The following SCN1A variants were observed in gnomAD, a reference collection of about 807,000 sequenced individuals.
SCN1A encodes the protein sodium voltage-gated channel alpha subunit 1.
In SCN1A, 13 loss-of-function variants were observed where a neutral mutation model predicts 193.7. That is an observed-to-expected ratio of 0.07 (90% CI 0.04 to 0.11). The LOEUF is 0.11. Ranked by LOEUF, SCN1A falls within the 10% of genes least tolerant of loss-of-function variation. The pLI is 1.00. For synonymous variants in SCN1A, 781 were observed against 843.6 expected (o/e 0.93, Z 1.29); for missense variants, 1,432 against 2,451.1 (o/e 0.58, Z 8.78).
chr2:166,046,159 A>G (rs536599250), intron 12 of SCN1A, among the ~76,000 whole-genome samples: 2 of 152,338 alleles, frequency 1.3e-5, no homozygotes, highest in East Asian at 3.8e-4. Flanking sequence ...CAGAAAGATG[A>G]GAGAGATAGG....
At chr2:166,050,790 T>A (rs144332749) in intron 9 of SCN1A, among the ~76,000 whole-genome samples, 79 of 150,846 alleles carry the variant, frequency 5.2e-4, no homozygotes, top group African/African-American at 1.9e-3. Flanking sequence ...ACATTTTCTA[T>A]TACTGTCTCC....
intron 23 of SCN1A, among the ~76,000 whole-genome samples, chr2:166,008,505 T>G (rs535156327): frequency 6.6e-6 from 1 of 151,166 alleles, no homozygotes; most frequent in Non-Finnish European, 1.5e-5. Flanking sequence ...TTAATTCTTA[T>G]ACACCCCAGA....
intron 3 of SCN1A, among the ~76,000 whole-genome samples, chr2:166,074,783 G>T (rs1408727198): frequency 6.6e-6 from 1 of 152,164 alleles, no homozygotes; most frequent in Non-Finnish European, 1.5e-5. Context: ...TAGCTTTGGT[G>T]TATATGAACT....
intron 19 of SCN1A, among the ~76,000 whole-genome samples, chr2:166,031,519 A>C (rs1408570527): frequency 1.3e-5 from 2 of 152,178 alleles, no homozygotes; most frequent in Non-Finnish European, 2.9e-5. Context: ...CATATCAAGA[A>C]TGTAATCAAA....
chr2:166,006,409 T>G (rs1361173668), intron 23 of SCN1A, among the ~76,000 whole-genome samples: 1 of 151,290 alleles, frequency 6.6e-6, no homozygotes, highest in Non-Finnish European at 1.5e-5. Flanking sequence ...AAATGTAGAG[T>G]TATGTTTATG....
chr2:166,045,894 T>C (rs570810772), intron 12 of SCN1A, among the ~76,000 whole-genome samples: 50 of 152,270 alleles, frequency 3.3e-4, no homozygotes, highest in African/African-American at 1.1e-3. Flanking sequence ...TAGTTTCTGC[T>C]GAGCAAGATA....
intron 2 of SCN1A, among the ~76,000 whole-genome samples, chr2:166,105,059 A>G (rs1423137617): frequency 6.6e-6 from 1 of 152,220 alleles, no homozygotes; most frequent in Non-Finnish European, 1.5e-5. Context: ...CTTACTCCTT[A>G]GGATTTTTGC....
chr2:165,985,264 TGAAGGAAG>T (rs1321783823), downstream of SCN1A: 1 of 145,848 alleles, frequency 6.9e-6, no homozygotes, highest in African/African-American at 2.6e-5. Context: ...AAGTATGGAT[TGAAGGAAG>T]GAAGGAAGGA....
chr2:166,137,224 T>C (rs763660697), intron 1 of SCN1A, among the ~76,000 whole-genome samples: 1 of 152,168 alleles, frequency 6.6e-6, no homozygotes, highest in Non-Finnish European at 1.5e-5. Flanking sequence ...AACATCTCTT[T>C]TTCTTTGTTT....
At chr2:166,072,837 C>CTTTTTTTTTTT (rs796420549) in intron 4 of SCN1A, among the ~76,000 whole-genome samples, 6 of 119,462 alleles carry the variant, frequency 5.0e-5, no homozygotes, top group African/African-American at 6.2e-5. Context: ...TCTCTTCTTT[C>CTTTTTTTTTTT]TTTTTTTTTT....
chr2:166,009,851 CA>C lies in SCN1A; in HGVS notation c.3880-11del, dbSNP rs1692189859. 4 of 1,604,160 alleles carry C rather than the reference CA, an allele frequency of 2.5e-6. No homozygotes were observed. The East Asian group carries it at 9.0e-5, about 36-fold the overall frequency. The stretch of plus-strand genomic sequence containing the variant: ...AACTGACCAATGAAACCTGCACACA[CA>C]AAAATAATAACAATTAATAAACAGA... On this transcript the variant is annotated splice_polypyrimidine_tract_variant and intron_variant, in intron 22 of 28. Transcript: ENST00000674923.
rs1171789119 is a variant in SCN1A, at chr2:165,999,735, A to G, written c.4326T>C (p.Val1442=). 6.2e-7 allele frequency: 1 copy of G among 1,606,438 alleles called. No homozygotes were observed. Among genetic ancestry groups the G allele is most frequent in the Admixed American group, 1.7e-5 (1 of 59,774 alleles). The change falls in exon 25 of 29, where the codon GTT becomes GTC. Residue 1442 remains valine, a synonymous_variant. Transcript: ENST00000674923. ...KGWMDIMYAA[V]DSRNVELQPK... ...AAGGAATACTTACATTTCTGGAATC[A>G]ACTGCTGCATACATTATATCCATCC... is the stretch of plus-strand genomic sequence containing the variant.
chr2:166,081,051 G>A (rs16851485), intron 2 of SCN1A, among the ~76,000 whole-genome samples: 3,825 of 151,808 alleles, frequency 0.025, 226 homozygotes, highest in Admixed American at 0.14. Flanking sequence ...TCTGTTTCCC[G>A]TAGAAGAGGA....
At chr2:166,009,913 C>T (rs534314134) in intron 22 of SCN1A, 72 bp from the exon 23 acceptor site, 16 of 1,418,234 alleles carry the variant, frequency 1.1e-5, no homozygotes, top group Non-Finnish European at 4.9e-6. Flanking sequence ...TATAATACAA[C>T]AAGTATAATT....
At chr2:166,086,390 C>T (rs374429462) in intron 2 of SCN1A, among the ~76,000 whole-genome samples, 2 of 152,024 alleles carry the variant, frequency 1.3e-5, no homozygotes, top group East Asian at 1.9e-4. Context: ...GTCAGAGGGC[C>T]GAAAACTCTA....
At chr2:166,013,455 A>T (rs1692817770) in intron 21 of SCN1A, among the ~76,000 whole-genome samples, 1 of 151,584 alleles carries the variant, frequency 6.6e-6, no homozygotes, top group African/African-American at 2.4e-5. Flanking sequence ...ACAATGAGTA[A>T]TTGAATATTC....
chr2:166,118,646 G>A (rs1317144191), intron 2 of SCN1A, among the ~76,000 whole-genome samples: 3 of 151,812 alleles, frequency 2.0e-5, no homozygotes, highest in Admixed American at 1.3e-4. Flanking sequence ...CTTTTTAAGT[G>A]GCATATCACA....
At chr2:166,079,060 T>G (rs1173867725) in intron 2 of SCN1A, among the ~76,000 whole-genome samples, 1 of 151,622 alleles carries the variant, frequency 6.6e-6, no homozygotes, top group Non-Finnish European at 1.5e-5. Flanking sequence ...CTAAGAACAT[T>G]AAAAAGAAAC....
At chr2:166,017,902 A>G (rs1358141765) in intron 19 of SCN1A, among the ~76,000 whole-genome samples, 1 of 152,076 alleles carries the variant, frequency 6.6e-6, no homozygotes, top group Non-Finnish European at 1.5e-5. Context: ...ACAAAATAAT[A>G]GAATATTAGC....
Sources: gnomAD v4.1 joint callset for allele counts (sites outside exome capture counted in the v4.1 genomes callset) on GRCh38, gnomAD v4.1.1 for gene constraint, MANE v1.5 for transcripts, NCBI Gene and HGNC (gene_info 2026-07-23, HGNC 2026-07-21) for gene names.